Variants in RAB33A observed in about 807,000 individuals in gnomAD.
RAB33A encodes the protein ras-related protein Rab-33A.
A neutral mutation model predicts 12.0 loss-of-function variants in RAB33A; 6 were observed. The observed-to-expected ratio is 0.50, with a 90% CI of 0.27 to 0.99. The LOEUF (loss-of-function observed/expected upper bound fraction) is 0.99, where lower values mean the gene tolerates loss of function less well. Among genes scored for constraint, RAB33A ranks in the 50% least tolerant of loss-of-function variants. RAB33A has a pLI of 0.11. For missense variants in RAB33A, 109 were observed against 192.0 expected, an observed-to-expected ratio of 0.57 and a Z score of 2.55; for synonymous variants, 70 against 82.4, an observed-to-expected ratio of 0.85 and a Z score of 0.81.
chrX:130,156,346 T>A, the RAB33A span: 1 of 1,044,699 alleles, frequency 9.6e-7, no homozygotes, highest in Non-Finnish European at 1.3e-6. Context: ...TTTTTGAAAA[T>A]TTTTCCAAAA....
the RAB33A span, chrX:130,165,417 G>A: frequency 5.3e-6 from 3 of 569,417 alleles, no homozygotes; most frequent in South Asian, 5.0e-5. Flanking sequence ...AGGGTTCGGA[G>A]TCTGCCAATT....
At chrX:130,124,324 A>T in the RAB33A span, among the ~76,000 whole-genome samples, 1 of 112,111 alleles carries the variant, frequency 8.9e-6, no homozygotes, top group Non-Finnish European at 1.9e-5. Flanking sequence ...AATGTTAAAG[A>T]AATGAATACA....
intron 1 of RAB33A, among the ~76,000 whole-genome samples, chrX:130,176,381 A>G (rs1250226423): frequency 8.9e-6 from 1 of 111,756 alleles, no homozygotes; most frequent in Non-Finnish European, 1.9e-5. Context: ...TGTCTATAAT[A>G]GTTTGGTTCC....
upstream of RAB33A, among the ~76,000 whole-genome samples, chrX:130,170,027 A>G (rs926756644): frequency 3.6e-5 from 4 of 112,340 alleles, no homozygotes. Context: ...ATACAATGAA[A>G]ATTGGTATTC....
chrX:130,163,807 G>A, the RAB33A span, among the ~76,000 whole-genome samples: 13 of 111,592 alleles, frequency 1.2e-4, no homozygotes, highest in Middle Eastern at 4.6e-3. Flanking sequence ...GGTAAAAGTT[G>A]TGAGACTTAA....
the RAB33A span, among the ~76,000 whole-genome samples, chrX:130,125,240 T>C: frequency 9.0e-6 from 1 of 111,532 alleles, no homozygotes; most frequent in Non-Finnish European, 1.9e-5. Context: ...CAAATGTTCA[T>C]TTTGAGAGGA....
chrX:130,177,699 T>C (rs1212881747), intron 1 of RAB33A, among the ~76,000 whole-genome samples: 3 of 111,542 alleles, frequency 2.7e-5, no homozygotes, highest in East Asian at 5.6e-4. Context: ...TCAGAGAAAG[T>C]AACTTACCTA....
At chrX:130,165,929 C>A in the RAB33A span, 1 of 396,778 alleles carries the variant, frequency 2.5e-6, no homozygotes, top group Non-Finnish European at 4.5e-6. Flanking sequence ...CATGCACTAG[C>A]TGGCCGCAAG....
chrX:130,161,215 G>A, the RAB33A span, among the ~76,000 whole-genome samples: 4 of 110,326 alleles, frequency 3.6e-5, no homozygotes, highest in African/African-American at 6.6e-5. Flanking sequence ...TTTCCAGCAT[G>A]GAGAAAACAC....
chrX:130,112,117 G>A, the RAB33A span, among the ~76,000 whole-genome samples: 2 of 111,994 alleles, frequency 1.8e-5, no homozygotes, highest in Non-Finnish European at 3.8e-5. Flanking sequence ...GGTGGATGAT[G>A]GCCACAAAGG....
intron 1 of RAB33A, among the ~76,000 whole-genome samples, chrX:130,181,761 A>G (rs1232890096): frequency 9.1e-6 from 1 of 110,410 alleles, no homozygotes; most frequent in African/African-American, 3.3e-5. Context: ...AGCCTGGCCA[A>G]CATGGTGAAA....
the RAB33A span, chrX:130,133,428 T>C: frequency 8.3e-7 from 1 of 1,209,786 alleles, no homozygotes; most frequent in Non-Finnish European, 1.1e-6. Context: ...CCCAACTTTA[T>C]ATCGTAGAAG....
the RAB33A span, chrX:130,133,580 C>T: frequency 9.9e-6 from 9 of 908,252 alleles, no homozygotes; most frequent in African/African-American, 1.4e-4. Context: ...TTTCCATCTA[C>T]AGGCCAGAGT....
At chrX:130,170,859 C>G (rs2031596482), upstream of RAB33A, among the ~76,000 whole-genome samples, 1 of 112,622 alleles carries the variant, frequency 8.9e-6, no homozygotes, top group African/African-American at 3.2e-5. Flanking sequence ...TGCCATTGTC[C>G]CAAGATCCTC....
At chrX:130,147,705 C>T in the RAB33A span, 35 of 1,210,442 alleles carry the variant, frequency 2.9e-5, no homozygotes, top group South Asian at 5.5e-4. Flanking sequence ...TAGCTAAATG[C>T]TTGCAGACTG....
chrX:130,124,974 T>C, the RAB33A span, among the ~76,000 whole-genome samples: 5 of 110,357 alleles, frequency 4.5e-5, no homozygotes, highest in African/African-American at 1.7e-4. Flanking sequence ...GGGGTGGGGG[T>C]TGTTCGGTCA....
chrX:130,168,024 T>A (rs751471195), upstream of RAB33A, among the ~76,000 whole-genome samples: 6 of 107,834 alleles, frequency 5.6e-5, no homozygotes, highest in East Asian at 2.9e-4. Flanking sequence ...ATTTTTTTTT[T>A]AAATTAGCCA....
the RAB33A span, among the ~76,000 whole-genome samples, chrX:130,115,484 G>A: frequency 9.0e-6 from 1 of 110,867 alleles, no homozygotes; most frequent in Non-Finnish European, 1.9e-5. Flanking sequence ...GTGGTGGTGG[G>A]CGCCTGTAAT....
At chrX:130,137,828 C>T in the RAB33A span, 225 of 796,210 alleles carry the variant, frequency 2.8e-4, no homozygotes, top group African/African-American at 1.6e-3. Context: ...TTTGGGTGGC[C>T]GAGGTGGGTG....
Sources: allele counts gnomAD v4.1 joint callset (sites outside exome capture counted in the v4.1 genomes callset), GRCh38; gene constraint gnomAD v4.1.1; transcripts MANE v1.5; gene names NCBI Gene and HGNC (gene_info 2026-07-23, HGNC 2026-07-21).